Variants in GRIP1 observed in about 807,000 individuals in gnomAD.
The protein encoded by GRIP1 is glutamate receptor interacting protein 1, also known as glutamate receptor-interacting protein 1.
A neutral mutation model predicts 129.9 loss-of-function variants in GRIP1; 45 were observed. That is an observed-to-expected ratio of 0.35 (90% confidence interval 0.27 to 0.44). GRIP1 has a LOEUF of 0.44. GRIP1 is among the 20% of genes least tolerant of loss of function. The pLI, the probability that GRIP1 is intolerant of heterozygous loss-of-function variation, is 1.00. For missense variants in GRIP1, 1,196 were observed against 1,396.8 expected, an observed-to-expected ratio of 0.86 and a Z score of 2.29; for synonymous variants, 530 against 520.8, an observed-to-expected ratio of 1.02 and a Z score of -0.24.
At chr12:66,476,318 A>T (rs1372782049) in intron 7 of GRIP1, among the ~76,000 whole-genome samples, 1 of 152,224 alleles carries the variant, frequency 6.6e-6, no homozygotes, top group African/African-American at 2.4e-5. Flanking sequence ...TAAACCAGGA[A>T]GAAGTTGAAT....
At chr12:66,559,104 A>T (rs538257080) in intron 2 of GRIP1, among the ~76,000 whole-genome samples, 1 of 151,600 alleles carries the variant, frequency 6.6e-6, no homozygotes. Context: ...GATGCTGAAA[A>T]AGCATTTGAT....
At chr12:66,525,242 G>C (rs1172823490) in intron 5 of GRIP1, among the ~76,000 whole-genome samples, 3 of 152,240 alleles carry the variant, frequency 2.0e-5, no homozygotes, top group South Asian at 4.1e-4. Flanking sequence ...GAGAATTTTA[G>C]ACCAATATGC....
At chr12:67,015,652 G>C (rs111305230) in intron 1 of GRIP1, among the ~76,000 whole-genome samples, 62 of 152,194 alleles carry the variant, frequency 4.1e-4, no homozygotes, top group Non-Finnish European at 7.5e-4. Context: ...CCAAAGCGAT[G>C]CAAGGAAGGA....
At chr12:66,489,304 T>G (rs1044129783) in intron 7 of GRIP1, among the ~76,000 whole-genome samples, 2 of 152,144 alleles carry the variant, frequency 1.3e-5, no homozygotes, top group African/African-American at 4.8e-5. Flanking sequence ...ATCCCTGAGA[T>G]GCAAGGTTGG....
Position 66,782,201 on chromosome 12 carries a change from C to T in GRIP1, c.-420+21852G>A, listed in dbSNP as rs11176424. Reference sequence around the variant, plus strand: ...CTGTGCACTTTTTATATAAATGTTACACTTCAATAAAAATCCTATATAGAA... The same window carrying T: ...CTGTGCACTTTTTATATAAATGTTATACTTCAATAAAAATCCTATATAGAA... On this transcript the variant is annotated intron_variant, in intron 1 of 4. Coordinates refer to the GRIP1 transcript ENST00000538373. Among the ~76,000 whole-genome samples, 1,348 of 152,212 alleles carry T rather than the reference C, an allele frequency of 8.9e-3. 15 individuals carry two copies. The highest frequency in any genetic ancestry group is 0.031 in the African/African-American group (1,299 of 41,528).
intron 1 of GRIP1, among the ~76,000 whole-genome samples, chr12:66,764,674 G>A (rs1369506923): frequency 2.0e-5 from 3 of 152,132 alleles, no homozygotes; most frequent in African/African-American, 4.8e-5. Context: ...GTAAGGACAA[G>A]GGGTGGAAAG....
chr12:66,873,165 AG>A (rs2040325001), intron 1 of GRIP1, among the ~76,000 whole-genome samples: 1 of 152,044 alleles, frequency 6.6e-6, no homozygotes, highest in Admixed American at 6.6e-5. Context: ...CCAATAAAGA[AG>A]GGGGAAGACA....
At chr12:66,552,679 G>A (rs2062181778) in intron 2 of GRIP1, among the ~76,000 whole-genome samples, 1 of 152,172 alleles carries the variant, frequency 6.6e-6, no homozygotes, top group South Asian at 2.1e-4. Context: ...TGAGAAAAGG[G>A]AAGAAAAGTA....
chr12:66,739,755 A>AG (rs1232594602), intron 1 of GRIP1, among the ~76,000 whole-genome samples: 1 of 152,024 alleles, frequency 6.6e-6, no homozygotes, highest in African/African-American at 2.4e-5. Context: ...AAATAAAAAA[A>AG]AAAAAACCAG....
chr12:66,957,566 A>C (rs1334662905), intron 1 of GRIP1, among the ~76,000 whole-genome samples: 1 of 152,104 alleles, frequency 6.6e-6, no homozygotes, highest in Non-Finnish European at 1.5e-5. Flanking sequence ...ATGAGCTTGA[A>C]GTTTTGAGGG....
In GRIP1 at chr12:66,371,695, T is replaced by C. The variant is rs780494377; in HGVS notation, c.3011A>G (p.Lys1004Arg). 6 of 1,599,130 alleles carry C rather than the reference T, an allele frequency of 3.8e-6. No homozygotes were observed. The East Asian group carries it at 1.1e-4, about 30-fold the overall frequency. Reference protein sequence around the residue: ...IMSPTPVELHKVTLYKDSDME... With the variant: ...IMSPTPVELHRVTLYKDSDME... ...GGAAAGAAGAGAAAGCTTACTGACC[T>C]TGTGCAGCTCCACAGGAGTTGGAGA... Residue 1004 changes from lysine (K) to arginine (R), a missense_variant and splice_region_variant, in exon 23 of 25, where the codon AAG becomes AGG. Coordinates refer to ENST00000359742, the MANE Select transcript of GRIP1 (RefSeq NM_001366722.1).
intron 1 of GRIP1, among the ~76,000 whole-genome samples, chr12:66,636,715 C>G (rs940683091): frequency 2.4e-4 from 35 of 145,212 alleles, no homozygotes; most frequent in South Asian, 6.8e-4. Flanking sequence ...CATTAGATCT[C>G]TGTGTGTGTG....
intron 1 of GRIP1, among the ~76,000 whole-genome samples, chr12:66,599,421 C>G (rs2064184839): frequency 6.6e-6 from 1 of 152,118 alleles, no homozygotes; most frequent in Non-Finnish European, 1.5e-5. Flanking sequence ...CAGCATGGCA[C>G]AATGTAACAC....
chr12:67,036,031 T>C (rs1289275531), intron 1 of GRIP1, among the ~76,000 whole-genome samples: 2 of 152,146 alleles, frequency 1.3e-5, no homozygotes, highest in Admixed American at 1.3e-4. Context: ...TTGATGTAAA[T>C]ATGACTTCTC....
intron 22 of GRIP1, chr12:66,372,152 C>T (rs2055541124): frequency 3.4e-6 from 2 of 596,596 alleles, no homozygotes; most frequent in African/African-American, 1.9e-5. Flanking sequence ...AGTACTTAAG[C>T]CATTGAGTTT....
intron 1 of GRIP1, among the ~76,000 whole-genome samples, chr12:66,953,827 G>A (rs1415853657): frequency 6.6e-6 from 1 of 152,088 alleles, no homozygotes; most frequent in African/African-American, 2.4e-5. Flanking sequence ...CAAAGAAAGA[G>A]TGTGTGTCAG....
intron 2 of GRIP1, among the ~76,000 whole-genome samples, chr12:66,572,702 C>T (rs1401821314): frequency 2.6e-5 from 4 of 152,166 alleles, no homozygotes; most frequent in Non-Finnish European, 2.9e-5. Flanking sequence ...TTCTTTGCTA[C>T]GTGTCTACAG....
chr12:66,596,035 G>A (rs1445038785), intron 2 of GRIP1, among the ~76,000 whole-genome samples: 1 of 152,066 alleles, frequency 6.6e-6, no homozygotes, highest in African/African-American at 2.4e-5. Context: ...TGTAGCTGAG[G>A]TTTAGCTGTA....
intron 11 of GRIP1, among the ~76,000 whole-genome samples, chr12:66,451,191 T>A (rs914237216): frequency 6.6e-6 from 1 of 152,108 alleles, no homozygotes; most frequent in East Asian, 1.9e-4. Context: ...TTGTAGGGAA[T>A]GACTACATTT....
Sources: allele counts gnomAD v4.1 joint callset (sites outside exome capture counted in the v4.1 genomes callset), GRCh38; gene constraint gnomAD v4.1.1; transcripts MANE v1.5; gene names NCBI Gene and HGNC (gene_info 2026-07-23, HGNC 2026-07-21).